Variants in NALCN observed in about 807,000 individuals in gnomAD.
NALCN encodes the protein sodium leak channel NALCN.
A neutral mutation model predicts 225.3 loss-of-function variants in NALCN; 111 were observed. The ratio of observed to expected loss-of-function variants is 0.49; its 90% CI spans 0.42 to 0.58. The LOEUF is 0.58. Ranked by LOEUF, NALCN falls within the 20% of genes least tolerant of loss-of-function variation. The pLI is 0.00. For synonymous variants in NALCN, 764 were observed against 769.0 expected, an observed-to-expected ratio of 0.99 and a Z score of 0.11; for missense variants, 1,378 against 2,202.4, an observed-to-expected ratio of 0.63 and a Z score of 7.49.
At chr13:101,127,150 G>T (rs12583191) in intron 17 of NALCN, among the ~76,000 whole-genome samples, 28,753 of 152,032 alleles carry the variant, frequency 0.19, 2,879 homozygotes, top group East Asian at 0.41. Context: ...ATAATATCTG[G>T]TACACTATTG....
intron 13 of NALCN, among the ~76,000 whole-genome samples, chr13:101,202,734 T>C (rs1466184570): frequency 6.6e-6 from 1 of 152,182 alleles, no homozygotes; most frequent in Non-Finnish European, 1.5e-5. Flanking sequence ...CTCCCATTAG[T>C]ACATGCCTAT....
intron 13 of NALCN, among the ~76,000 whole-genome samples, chr13:101,200,978 G>A (rs935741551): frequency 1.3e-5 from 2 of 152,076 alleles, no homozygotes; most frequent in Non-Finnish European, 2.9e-5. Flanking sequence ...TAAACATCTT[G>A]GGTTTTGGTC....
rs554264216 is a variant in NALCN at position 101,072,212 on chromosome 13, T to C, written c.4197+1372A>G. ...AACCAGAAAGTGAGCAAACATGCTA[T>C]TGGAAAAATGGCCCTGATAGACCTG... is the stretch of plus-strand genomic sequence containing the variant. On this transcript the variant is annotated intron_variant, in intron 37 of 43. Transcript: ENST00000251127. Among the ~76,000 whole-genome samples, 5 of 152,262 alleles carry C rather than the reference T, an allele frequency of 3.3e-5. No individual in the cohort carries two copies. In the East Asian group the frequency reaches 7.7e-4, roughly 24 times the overall value.
At chr13:101,291,942 C>T (rs1387602457) in intron 9 of NALCN, 48 bp downstream of exon 9, 1 of 1,571,310 alleles carries the variant, frequency 6.4e-7, no homozygotes, top group Non-Finnish European at 8.7e-7. Context: ...GAGGGTGAGA[C>T]ATGTGCATGC....
At chr13:101,162,302 T>A (rs2038226351) in intron 15 of NALCN, among the ~76,000 whole-genome samples, 1 of 152,250 alleles carries the variant, frequency 6.6e-6, no homozygotes, top group Non-Finnish European at 1.5e-5. Context: ...ACTTACTTAT[T>A]ATTGTACCTG....
chr13:101,162,901 T>C (rs2139874964), intron 15 of NALCN, among the ~76,000 whole-genome samples: 2 of 152,316 alleles, frequency 1.3e-5, no homozygotes, highest in Middle Eastern at 6.8e-3. Context: ...TCCCACTATA[T>C]TTTATTTTAT....
At chr13:101,252,139 G>A (rs1267669170) in intron 11 of NALCN, among the ~76,000 whole-genome samples, 1 of 152,118 alleles carries the variant, frequency 6.6e-6, no homozygotes, top group Non-Finnish European at 1.5e-5. Context: ...CAGAACTATA[G>A]CTTCTAAGAG....
At chr13:101,186,884 A>T (rs2139986660) in intron 14 of NALCN, among the ~76,000 whole-genome samples, 1 of 152,336 alleles carries the variant, frequency 6.6e-6, no homozygotes, top group Admixed American at 6.5e-5. Context: ...TTAGAAGAAG[A>T]TATAGGAGAA....
At chr13:101,116,574 T>C (rs766755614) in intron 18 of NALCN, 17 of 514,430 alleles carry the variant, frequency 3.3e-5, no homozygotes, top group South Asian at 2.4e-4. Context: ...AACAAGGGTG[T>C]GGAAAAAGCC....
intron 3 of NALCN, among the ~76,000 whole-genome samples, chr13:101,387,030 G>T (rs955916542): frequency 4.0e-5 from 6 of 151,208 alleles, no homozygotes; most frequent in African/African-American, 9.7e-5. Flanking sequence ...GACCATCCTG[G>T]CTAACAAGGT....
rs370012921 is a variant in NALCN at position 101,243,385 on chromosome 13, G to GACA, written c.1267-5466_1267-5464dup. Among the ~76,000 whole-genome samples the GACA allele has an allele frequency of 2.3e-3, 240 of 102,608 alleles. 70 individuals are homozygous for GACA. The highest frequency in any genetic ancestry group is 7.7e-3 in the African/African-American group (220 of 28,540). The allele number at this position is 102,608 out of a possible 152,430, so 67.3% of individuals were successfully genotyped here. ...TTGTGCCCTGCTTACTTTTTCTTGA[G>GACA]ACAACAACAACAACAACAACAACGG... On this transcript the variant is annotated intron_variant, in intron 11 of 43. Coordinates refer to ENST00000251127, the MANE Select transcript of NALCN (RefSeq NM_052867.4).
chr13:101,409,721 C>T (rs948424780), intron 1 of NALCN, among the ~76,000 whole-genome samples: 7 of 152,038 alleles, frequency 4.6e-5, no homozygotes, highest in African/African-American at 1.7e-4. Flanking sequence ...AACAGAAGAT[C>T]AAAGGGAGAT....
At chr13:101,079,167 A>T (rs1472484951) in intron 34 of NALCN, among the ~76,000 whole-genome samples, 2 of 152,208 alleles carry the variant, frequency 1.3e-5, no homozygotes, top group African/African-American at 2.4e-5. Context: ...GTATTTCTTC[A>T]TAACAGTGTG....
At position 101,135,992 on chromosome 13, in the gene NALCN, G is replaced by A. The variant is rs544682024; in HGVS notation, c.2118+7088C>T. ...CTGATTTACTTTTGACTCTCAATGC[G>A]CATTTACTAAGGAATACAAACAGCT... On this transcript the variant is annotated intron_variant, in intron 17 of 43. Coordinates refer to ENST00000251127, the MANE Select transcript of NALCN (RefSeq NM_052867.4). 7.9e-5 allele frequency among the ~76,000 whole-genome samples: 12 copies of A among 152,236 alleles called. No individual in the cohort carries two copies. In the East Asian group the frequency reaches 1.3e-3, roughly 17 times the overall value.
intron 11 of NALCN, 105 bp from the exon 12 acceptor site, chr13:101,238,027 C>G (rs2041625903): frequency 1.1e-6 from 1 of 892,734 alleles, no homozygotes; most frequent in Non-Finnish European, 1.7e-6. Flanking sequence ...ATCATATACA[C>G]TAAGGTGCCC....
chr13:101,333,561 G>A (rs186916260), intron 7 of NALCN, among the ~76,000 whole-genome samples: 189 of 152,282 alleles, frequency 1.2e-3, no homozygotes, highest in African/African-American at 4.4e-3. Context: ...AAGGCTGGGG[G>A]CTTTCTCTCC....
chr13:101,236,769 TG>T (rs1278308979), intron 12 of NALCN, among the ~76,000 whole-genome samples: 1 of 59,456 alleles, frequency 1.7e-5, no homozygotes, highest in African/African-American at 6.2e-5. Context: ...TGTTGTGGGG[TG>T]GGGGGAGGGG....
intron 7 of NALCN, among the ~76,000 whole-genome samples, chr13:101,338,942 T>C (rs2045471246): frequency 6.6e-6 from 1 of 152,214 alleles, no homozygotes; most frequent in Non-Finnish European, 1.5e-5. Flanking sequence ...ACTCTGACTC[T>C]CAGATCCCCA....
At chr13:101,333,338 T>G (rs1465105050) in intron 7 of NALCN, among the ~76,000 whole-genome samples, 1 of 152,220 alleles carries the variant, frequency 6.6e-6, no homozygotes, top group East Asian at 1.9e-4. Context: ...TTAATTTTAT[T>G]TAGCATATTT....
Sources: gnomAD v4.1 joint callset for allele counts (sites outside exome capture counted in the v4.1 genomes callset) on GRCh38, gnomAD v4.1.1 for gene constraint, MANE v1.5 for transcripts, NCBI Gene and HGNC (gene_info 2026-07-23, HGNC 2026-07-21) for gene names.